The following FBXL13 variants were observed in gnomAD, a reference collection of about 807,000 sequenced individuals.
FBXL13 encodes the protein F-box and leucine-rich repeat protein 13.
In FBXL13, 67 loss-of-function variants were observed where a neutral mutation model predicts 83.6. The observed-to-expected ratio is 0.80, with a 90% CI of 0.66 to 0.98. The LOEUF (loss-of-function observed/expected upper bound fraction) is 0.98, where lower values mean the gene tolerates loss of function less well. FBXL13 is among the 50% of genes least tolerant of loss of function. The pLI, the probability that FBXL13 is intolerant of heterozygous loss-of-function variation, is 0.00. For missense variants in FBXL13, 822 were observed against 866.5 expected, an observed-to-expected ratio of 0.95 and a Z score of 0.64; for synonymous variants, 272 against 299.5, an observed-to-expected ratio of 0.91 and a Z score of 0.95.
intron 19 of FBXL13, among the ~76,000 whole-genome samples, chr7:102,817,477 G>A (rs370370804): frequency 2.7e-5 from 4 of 150,738 alleles, no homozygotes; most frequent in African/African-American, 7.5e-5. Flanking sequence ...TTGTTGATTT[G>A]TTTAAGTTCT....
intron 5 of FBXL13, among the ~76,000 whole-genome samples, chr7:103,025,718 CAT>C (rs1793820742): frequency 6.6e-6 from 1 of 152,088 alleles, no homozygotes; most frequent in Non-Finnish European, 1.5e-5. Flanking sequence ...CAGTCATAAA[CAT>C]ATACACAATA....
chr7:102,944,680 G>C (rs1402054905), intron 8 of FBXL13: 2 of 1,346,880 alleles, frequency 1.5e-6, no homozygotes. Flanking sequence ...GTTTACATTT[G>C]ATTAACTGTG....
chr7:103,057,295 T>C (rs1341313481), intron 1 of FBXL13, among the ~76,000 whole-genome samples: 2 of 152,206 alleles, frequency 1.3e-5, no homozygotes, highest in Non-Finnish European at 2.9e-5. Context: ...AAAGTCACTG[T>C]ACCGTGAGGG....
In FBXL13 at chr7:103,006,458, G is replaced by T. The variant is rs142687075; in HGVS notation, c.495+18605C>A. Among the ~76,000 whole-genome samples the T allele has an allele frequency of 7.9e-5, 12 of 152,232 alleles. No homozygotes were observed. In the East Asian group the frequency reaches 2.3e-3, roughly 29 times the overall value. ...AGTTAAAACAAACCAAAATGGAGAC[G>T]TGTCATTGAATACTTGGGGCATTCA... On this transcript the variant is annotated intron_variant, in intron 6 of 19. Coordinates refer to ENST00000313221, the Ensembl canonical transcript of FBXL13.
intron 11 of FBXL13, among the ~76,000 whole-genome samples, chr7:102,894,513 C>T (rs191043220): frequency 6.6e-6 from 1 of 151,986 alleles, no homozygotes; most frequent in Non-Finnish European, 1.5e-5. Flanking sequence ...TGCTTGAGCC[C>T]ATGAGTTTTA....
chr7:102,849,482 G>A (rs983361466), intron 17 of FBXL13, among the ~76,000 whole-genome samples: 6 of 152,200 alleles, frequency 3.9e-5, no homozygotes, highest in South Asian at 2.1e-4. Context: ...CTCATTAAGC[G>A]AATTATGTAG....
intron 17 of FBXL13, among the ~76,000 whole-genome samples, chr7:102,836,173 G>A (rs181959884): frequency 4.4e-4 from 67 of 152,188 alleles, no homozygotes; most frequent in Non-Finnish European, 7.6e-4. Flanking sequence ...AAAGACAAAT[G>A]TTCTCAGAGG....
At chr7:102,879,929 A>G (rs943858344) in intron 14 of FBXL13, among the ~76,000 whole-genome samples, 2 of 152,132 alleles carry the variant, frequency 1.3e-5, no homozygotes, top group African/African-American at 4.8e-5. Flanking sequence ...GATGGTCTCG[A>G]TCTCCTGACC....
chr7:102,908,699 T>C (rs1421077514), intron 11 of FBXL13, among the ~76,000 whole-genome samples: 1 of 152,254 alleles, frequency 6.6e-6, no homozygotes, highest in East Asian at 1.9e-4. Flanking sequence ...TCTGGAAGAA[T>C]TCTTTGGATT....
At chr7:102,811,961 A>G (rs1797458101), downstream of FBXL13, among the ~76,000 whole-genome samples, 2 of 152,344 alleles carry the variant, frequency 1.3e-5, no homozygotes, top group South Asian at 4.1e-4. Flanking sequence ...AGCCTATAAT[A>G]ATACTTTGTA....
intron 6 of FBXL13, among the ~76,000 whole-genome samples, chr7:102,998,349 C>G (rs1454002052): frequency 6.6e-6 from 1 of 152,094 alleles, no homozygotes; most frequent in Non-Finnish European, 1.5e-5. Flanking sequence ...TGTTGGTGGC[C>G]TCTTCACTTT....
chr7:102,985,720 C>A (rs997274587), intron 6 of FBXL13, among the ~76,000 whole-genome samples: 1 of 152,134 alleles, frequency 6.6e-6, no homozygotes, highest in Non-Finnish European at 1.5e-5. Flanking sequence ...GGCAGAACAT[C>A]CAGTCAGCAG....
chr7:103,041,967 T>C (rs1410760928), intron 2 of FBXL13, among the ~76,000 whole-genome samples: 1 of 152,140 alleles, frequency 6.6e-6, no homozygotes, highest in Admixed American at 6.6e-5. Flanking sequence ...TGGAAGTTCT[T>C]CTGGCTAGGC....
intron 9 of FBXL13, among the ~76,000 whole-genome samples, chr7:102,929,693 G>T (rs1818826689): frequency 6.7e-6 from 1 of 148,214 alleles, no homozygotes; most frequent in Non-Finnish European, 1.5e-5. Flanking sequence ...AATTAATTAA[G>T]TTAGAAATTA....
chr7:102,934,144 T>A, intron 8 of FBXL13: 1 of 1,614,172 alleles, frequency 6.2e-7, no homozygotes, highest in Non-Finnish European at 8.5e-7. Context: ...ATGTGCTGCC[T>A]GGTTGGCCTC....
intron 6 of FBXL13, among the ~76,000 whole-genome samples, chr7:102,970,432 G>A (rs1442433145): frequency 6.6e-6 from 1 of 152,096 alleles, no homozygotes. Context: ...CATCATGCCT[G>A]GGATCCAATT....
intron 6 of FBXL13, among the ~76,000 whole-genome samples, chr7:103,010,582 G>T (rs965932439): frequency 3.4e-4 from 51 of 152,112 alleles, no homozygotes; most frequent in Non-Finnish European, 5.0e-4. Flanking sequence ...CAGTAGGGGG[G>T]TTTAGGGGGA....
At chr7:102,960,502 G>A (rs1825012098) in intron 8 of FBXL13, among the ~76,000 whole-genome samples, 1 of 151,512 alleles carries the variant, frequency 6.6e-6, no homozygotes, top group African/African-American at 2.4e-5. Flanking sequence ...GCATCATTCT[G>A]ATACCAAAGC....
chr7:103,016,556 C>A (rs1342373521), intron 6 of FBXL13, among the ~76,000 whole-genome samples: 1 of 152,018 alleles, frequency 6.6e-6, no homozygotes, highest in Non-Finnish European at 1.5e-5. Context: ...CATAAGGGGT[C>A]AGGGAATTCC....
Sources: gnomAD v4.1 joint callset for allele counts (sites outside exome capture counted in the v4.1 genomes callset) on GRCh38, gnomAD v4.1.1 for gene constraint, MANE v1.5 for transcripts, NCBI Gene and HGNC (gene_info 2026-07-23, HGNC 2026-07-21) for gene names.